The following MYOM2 variants were observed in gnomAD, a reference collection of about 807,000 sequenced individuals.
MYOM2 encodes myomesin 2, also known as myomesin-2.
Under a neutral mutation model 187.6 loss-of-function variants are expected in MYOM2, and 254 were observed. The ratio of observed to expected loss-of-function variants is 1.35; its 90% CI spans 1.22 to 1.50. The LOEUF (loss-of-function observed/expected upper bound fraction) is 1.50. Among genes scored for constraint, MYOM2 ranks in the 40% most tolerant of loss-of-function variants. The pLI, the probability that MYOM2 is intolerant of heterozygous loss-of-function variation, is 0.00. For synonymous variants in MYOM2, 981 were observed against 753.8 expected (o/e 1.30, Z -4.94); for missense variants, 2,796 against 1,924.0 (o/e 1.45, Z -8.48).
chr8:2,063,384 A>G (rs1251824837), intron 6 of MYOM2, among the ~76,000 whole-genome samples: 1 of 152,226 alleles, frequency 6.6e-6, no homozygotes, highest in Admixed American at 6.5e-5. Flanking sequence ...AAAGTGCTGA[A>G]AAAGAAGCTC....
chr8:2,116,239 G>C lies in MYOM2; in HGVS notation c.3349G>C (p.Ala1117Pro). Reference sequence around the variant, plus strand: ...AGCATTCAAGACTGTGCTGGAAGAGGCTGAGTTTCAAAGGAAAGAATTTCT... The same window carrying C: ...AGCATTCAAGACTGTGCTGGAAGAGCCTGAGTTTCAAAGGAAAGAATTTCT... ...GDAFKTVLEE[A>P]EFQRKEFLRK... The change falls in exon 27 of 37, where the codon GCT becomes CCT. Residue 1117 changes from alanine (A) to proline (P), a missense_variant. Ala to Pro is a conservative substitution (Grantham distance 27). Transcript: ENST00000262113. The C allele has an allele frequency of 6.2e-7, 1 of 1,612,468 alleles. No individual in the cohort carries two copies. The highest frequency in any genetic ancestry group is 8.5e-7 in the Non-Finnish European group (1 of 1,179,158).
At chr8:2,118,005 C>T in intron 28 of MYOM2, 53 bp downstream of exon 28, 1 of 1,518,584 alleles carries the variant, frequency 6.6e-7, no homozygotes, top group South Asian at 1.1e-5. Flanking sequence ...TGGTTCCTAT[C>T]AGAGAGGCCT....
rs770888659 is a variant in MYOM2 at position 2,106,304 on chromosome 8, C to T, written c.2797C>T (p.Gln933Ter). 80 of 1,613,954 alleles carry T rather than the reference C, an allele frequency of 5.0e-5. No homozygotes were observed. The South Asian group carries it at 8.5e-4, about 17-fold the overall frequency. The change falls in exon 22 of 37, where the codon CAG becomes TAG. Residue 933 changes from glutamine to a stop codon, truncating the protein, a stop_gained. Transcript: ENST00000262113. LOFTEE classifies it high-confidence loss of function. ...QGNIYLGFDC[Q>*]EMTDASQFTW... ...CAACATCTATCTGGGCTTCGACTGC[C>T]AGGAAATGACAGACGCGTCTCAGTT...
At chr8:2,094,183 T>C (rs538384828) in intron 17 of MYOM2, 92 bp downstream of exon 17, 35 of 1,502,696 alleles carry the variant, frequency 2.3e-5, no homozygotes, top group African/African-American at 4.2e-5. Flanking sequence ...TGGAATGTCA[T>C]TGAAGGGGAA....
At chr8:2,100,444 A>G in intron 19 of MYOM2, 1 of 175,070 alleles carries the variant, frequency 5.7e-6, no homozygotes, top group Non-Finnish European at 1.2e-5. Context: ...ACATGCCCTC[A>G]GAGTTGCCGC....
At chr8:2,120,096 A>T (rs1480334633) in intron 28 of MYOM2, among the ~76,000 whole-genome samples, 5 of 152,112 alleles carry the variant, frequency 3.3e-5, no homozygotes, top group African/African-American at 1.2e-4. Flanking sequence ...GAGTGCATCA[A>T]CGTGGAGATA....
chr8:2,096,190 G>C (rs559835594), intron 17 of MYOM2, 57 bp from the exon 18 acceptor site: 3 of 1,552,912 alleles, frequency 1.9e-6, no homozygotes, highest in South Asian at 1.2e-5. Context: ...TGGCTGCCCC[G>C]GGGACAAAGC....
intron 25 of MYOM2, among the ~76,000 whole-genome samples, chr8:2,114,111 G>A (rs1357909476): frequency 6.6e-6 from 1 of 152,222 alleles, no homozygotes; most frequent in Admixed American, 6.5e-5. Flanking sequence ...CAGTCACAAG[G>A]GCTGCATTCG....
intron 25 of MYOM2, among the ~76,000 whole-genome samples, chr8:2,112,827 C>G (rs1200026689): frequency 6.6e-6 from 1 of 152,202 alleles, no homozygotes; most frequent in Non-Finnish European, 1.5e-5. Context: ...TACATTGTCA[C>G]CTGCAGATAG....
At chr8:2,111,797 C>T (rs1386902868) in intron 25 of MYOM2, among the ~76,000 whole-genome samples, 2 of 152,194 alleles carry the variant, frequency 1.3e-5, no homozygotes, top group Non-Finnish European at 2.9e-5. Context: ...CATGCCTTCT[C>T]ATTCATTTCT....
intron 12 of MYOM2, 65 bp downstream of exon 12, chr8:2,078,998 G>T: frequency 1.3e-6 from 2 of 1,517,830 alleles, no homozygotes; most frequent in Non-Finnish European, 1.8e-6. Flanking sequence ...TGTGTGATTT[G>T]TTGTCTCTTT....
chr8:2,079,029 C>T, intron 12 of MYOM2, 96 bp downstream of exon 12: 6 of 1,195,354 alleles, frequency 5.0e-6, no homozygotes, highest in Admixed American at 1.8e-5. Flanking sequence ...TCGATGTGAG[C>T]CCTGAGAATG....
intron 31 of MYOM2, 122 bp from the exon 32 acceptor site, chr8:2,129,005 G>A (rs1797755392): frequency 1.6e-6 from 1 of 622,980 alleles, no homozygotes; most frequent in African/African-American, 1.8e-5. Context: ...CCGACTTTAT[G>A]AGAGACACAA....
chr8:2,082,532 C>T (rs933988746), intron 13 of MYOM2, among the ~76,000 whole-genome samples: 2 of 152,190 alleles, frequency 1.3e-5, no homozygotes, highest in Non-Finnish European at 2.9e-5. Context: ...GAGTTTTTCT[C>T]ACCATTTTAA....
At position 2,096,228 on chromosome 8, in the gene MYOM2, T is replaced by C. The variant is rs900782466; in HGVS notation, c.2126-19T>C. 3.1e-6 allele frequency: 5 copies of C among 1,607,932 alleles called. No homozygotes were observed. In the African/African-American group the frequency reaches 4.0e-5, roughly 13 times the overall value. Reference sequence around the variant, plus strand: ...CCAGCTGAGGCCCTCGGTAACTCCCTGGTTGTGCTTCCTTGCAGCCGTCCC... The same window carrying C: ...CCAGCTGAGGCCCTCGGTAACTCCCCGGTTGTGCTTCCTTGCAGCCGTCCC... On this transcript the variant is annotated intron_variant, in intron 17 of 36. Transcript: ENST00000262113.
At chr8:2,062,491 A>G (rs1818883739) in intron 6 of MYOM2, among the ~76,000 whole-genome samples, 1 of 152,132 alleles carries the variant, frequency 6.6e-6, no homozygotes, top group East Asian at 1.9e-4. Context: ...CATTAGTGAA[A>G]GAGAGGGGTC....
intron 35 of MYOM2, among the ~76,000 whole-genome samples, chr8:2,142,706 TTCCCTCCCTCCC>T (rs1323220167): frequency 2.2e-4 from 3 of 13,406 alleles, no homozygotes; most frequent in African/African-American, 3.7e-4. Flanking sequence ...TCCCCTCCCC[TTCCCTCCCTCCC>T]TCCCTCCCTC....
At position 2,106,502 on chromosome 8, in the gene MYOM2, A is replaced by G; in HGVS notation, c.2903A>G (p.Tyr968Cys). The G allele has an allele frequency of 1.1e-5, 17 of 1,612,452 alleles. No homozygotes were observed. Among genetic ancestry groups the G allele is most frequent in the Non-Finnish European group, 1.4e-5 (17 of 1,178,552 alleles). Residue 968 changes from tyrosine to cysteine, a missense_variant, in exon 23 of 37, where the codon TAC becomes TGC. Tyr to Cys is a radical substitution (Grantham distance 194). Coordinates refer to ENST00000262113, the MANE Select transcript of MYOM2 (RefSeq NM_003970.4). ...IETVGDHSKLYLKNPDKEDLG... is the reference protein window; with the variant it reads ...IETVGDHSKLCLKNPDKEDLG... ...TTCTTCCTTTTTAGCTCCAAGCTGT[A>G]CTTAAAGAATCCGGATAAGGAGGAT...
rs541138631 is a variant in MYOM2, at chr8:2,098,445, T to G, written c.2314-412T>G. Among the ~76,000 whole-genome samples, 3 of 152,260 alleles carry G rather than the reference T, an allele frequency of 2.0e-5. No individual in the cohort carries two copies. In the East Asian group the frequency reaches 5.8e-4, roughly 30 times the overall value. On this transcript the variant is annotated intron_variant, in intron 18 of 36. Transcript: ENST00000262113. ...GGCTCCGTCTCCAGGGTGACCCCCCTTGGGTGCAGGGCAGGGCCCGCTCAG... is the reference window on the plus strand; with the variant it reads ...GGCTCCGTCTCCAGGGTGACCCCCCGTGGGTGCAGGGCAGGGCCCGCTCAG...
Sources: gnomAD v4.1 joint callset for allele counts (sites outside exome capture counted in the v4.1 genomes callset) on GRCh38, gnomAD v4.1.1 for gene constraint, MANE v1.5 for transcripts, NCBI Gene and HGNC (gene_info 2026-07-23, HGNC 2026-07-21) for gene names.